The following MAMDC2 variants were observed in gnomAD, a reference collection of about 807,000 sequenced individuals.
MAMDC2 encodes the protein MAM domain-containing protein 2.
Under a neutral mutation model 89.8 loss-of-function variants are expected in MAMDC2, and 57 were observed. The observed-to-expected ratio is 0.63, with a 90% CI of 0.51 to 0.79. The LOEUF (loss-of-function observed/expected upper bound fraction) is 0.79, where lower values mean the gene tolerates loss of function less well. MAMDC2 is among the 30% of genes least tolerant of loss of function. The probability of loss-of-function intolerance (pLI) is 0.00; values close to 1 mark genes in which losing one functional copy is unlikely to be tolerated. For missense variants in MAMDC2, 800 were observed against 820.6 expected (o/e 0.97, Z 0.31); for synonymous variants, 313 against 293.4 (o/e 1.07, Z -0.68).
At chr9:70,115,077 G>A (rs904794079) in intron 5 of MAMDC2, among the ~76,000 whole-genome samples, 8 of 152,198 alleles carry the variant, frequency 5.3e-5, no homozygotes, top group Non-Finnish European at 7.3e-5. Context: ...GGAATGCCAG[G>A]AAAGAGATTT....
chr9:70,068,282 A>G (rs541418929), intron 2 of MAMDC2, among the ~76,000 whole-genome samples: 1 of 152,340 alleles, frequency 6.6e-6, no homozygotes, highest in African/African-American at 2.4e-5. Flanking sequence ...CATCTAGAGT[A>G]GCCTGTATTT....
intron 7 of MAMDC2, among the ~76,000 whole-genome samples, chr9:70,133,623 T>C (rs1410550450): frequency 6.6e-6 from 1 of 152,216 alleles, no homozygotes; most frequent in African/African-American, 2.4e-5. Flanking sequence ...TTCACATCCC[T>C]ATTCTGCCAC....
At chr9:70,221,108 A>C (rs2033546849) in intron 12 of MAMDC2, among the ~76,000 whole-genome samples, 1 of 151,618 alleles carries the variant, frequency 6.6e-6, no homozygotes, top group Non-Finnish European at 1.5e-5. Context: ...TCCATTTACT[A>C]TTCTAGGTGC....
chr9:70,205,298 G>A (rs2033202075), intron 11 of MAMDC2, among the ~76,000 whole-genome samples: 1 of 151,968 alleles, frequency 6.6e-6, no homozygotes, highest in Non-Finnish European at 1.5e-5. Flanking sequence ...TCCCAAAACT[G>A]AAACTCCGTA....
chr9:70,198,415 A>T (rs1469767807), intron 11 of MAMDC2, among the ~76,000 whole-genome samples: 3 of 152,068 alleles, frequency 2.0e-5, no homozygotes, highest in African/African-American at 7.2e-5. Flanking sequence ...ATATGATACT[A>T]TGCTGTCAGA....
chr9:70,220,900 T>C (rs1183996599), intron 12 of MAMDC2, among the ~76,000 whole-genome samples: 4 of 152,210 alleles, frequency 2.6e-5, no homozygotes, highest in Non-Finnish European at 5.9e-5. Context: ...AAGGAGATTA[T>C]GTATGTGAAA....
intron 2 of MAMDC2, among the ~76,000 whole-genome samples, chr9:70,052,545 C>G (rs1483513131): frequency 6.6e-6 from 1 of 152,192 alleles, no homozygotes; most frequent in Admixed American, 6.5e-5. Flanking sequence ...GCTCTCTGCA[C>G]TTTCCACTGT....
chr9:70,206,320 G>C lies in MAMDC2; in HGVS notation c.1652-12017G>C, dbSNP rs73452704. Among the ~76,000 whole-genome samples the C allele has an allele frequency of 4.2e-3, 643 of 152,234 alleles. 5 individuals carry two copies. The highest frequency in any genetic ancestry group is 0.013 in the African/African-American group (557 of 41,536). On this transcript the variant is annotated intron_variant, in intron 11 of 13. Coordinates refer to ENST00000377182, the MANE Select transcript of MAMDC2 (RefSeq NM_153267.5). ...GAGTTATTGTTGTTAATCTCTTACA[G>C]CATCTAATTTATAACAAAATTTATC...
chr9:70,129,231 G>T (rs144776710), intron 6 of MAMDC2, among the ~76,000 whole-genome samples: 8 of 152,110 alleles, frequency 5.3e-5, no homozygotes, highest in Admixed American at 2.6e-4. Flanking sequence ...TGCCTTTCTC[G>T]TGATAGTGAA....
chr9:70,139,885 C>A (rs374527571), intron 7 of MAMDC2, among the ~76,000 whole-genome samples: 1 of 152,010 alleles, frequency 6.6e-6, no homozygotes, highest in East Asian at 1.9e-4. Flanking sequence ...CTTTTGAAGT[C>A]GGGTACTTCA....
At chr9:70,050,907 A>G (rs1255738621) in intron 2 of MAMDC2, among the ~76,000 whole-genome samples, 1 of 152,220 alleles carries the variant, frequency 6.6e-6, no homozygotes, top group East Asian at 1.9e-4. Flanking sequence ...TTTCATACTT[A>G]GTGTGTAGTC....
chr9:70,153,578 T>C (rs1391070971), intron 9 of MAMDC2: 1 of 152,234 alleles, frequency 6.6e-6, no homozygotes, highest in East Asian at 1.9e-4. Context: ...TAAATATTTC[T>C]TTTGGAGAAA....
chr9:70,218,502 A>T lies in MAMDC2; in HGVS notation c.1817A>T (p.Asp606Val), dbSNP rs539462924. The T allele has an allele frequency of 6.2e-7, 1 of 1,614,110 alleles. No homozygotes were observed. The highest frequency in any genetic ancestry group is 8.5e-7 in the Non-Finnish European group (1 of 1,180,048). ...AGTGTTTATCTGAAAAAGGAAGAAG[A>T]CAGTGAAGAGTCCCTCTTATGGAGG... Reference protein sequence around the residue: ...LLSVYLKKEEDSEESLLWRRR... With the variant: ...LLSVYLKKEEVSEESLLWRRR... The change falls in exon 12 of 14, where the codon GAC (aspartate) becomes GTC (valine). Residue 606 changes from aspartate to valine, a missense_variant. Asp to Val is a radical substitution (Grantham distance 152). Coordinates refer to ENST00000377182, the MANE Select transcript of MAMDC2 (RefSeq NM_153267.5).
chr9:70,104,876 A>T (rs1828293698), intron 2 of MAMDC2, among the ~76,000 whole-genome samples: 1 of 152,194 alleles, frequency 6.6e-6, no homozygotes, highest in African/African-American at 2.4e-5. Flanking sequence ...GTGATGGTGC[A>T]CAAATTTATG....
At chr9:70,145,244 T>C (rs947799777) in intron 9 of MAMDC2, among the ~76,000 whole-genome samples, 3 of 152,244 alleles carry the variant, frequency 2.0e-5, no homozygotes, top group Non-Finnish European at 4.4e-5. Flanking sequence ...TAAATTGAGC[T>C]ATATTGCTCA....
Position 70,108,264 on chromosome 9 carries a change from C to G in MAMDC2, c.202C>G (p.Leu68Val), listed in dbSNP as rs1389716223. Residue 68 changes from leucine (L) to valine (V), a missense_variant, in exon 3 of 14, where the codon CTG becomes GTG. By Grantham distance (32) the Leu-to-Val change is conservative (BLOSUM62 1). Coordinates refer to ENST00000377182, the MANE Select transcript of MAMDC2 (RefSeq NM_153267.5). ...TGGCAAGCAGGGGGAGAAAGCTGTG[C>G]TGCTAAGTCCTGACTTACAGGCTGA... ...SFGKQGEKAV[L>V]LSPDLQAEEW... The G allele has an allele frequency of 6.2e-7, 1 of 1,612,984 alleles. No homozygotes were observed. The highest frequency in any genetic ancestry group is 8.5e-7 in the Non-Finnish European group (1 of 1,179,524).
chr9:70,097,804 T>C (rs1426922321), intron 2 of MAMDC2, among the ~76,000 whole-genome samples: 3 of 152,174 alleles, frequency 2.0e-5, no homozygotes, highest in Non-Finnish European at 4.4e-5. Flanking sequence ...GTCTCATTCA[T>C]CCTCTTATCC....
At chr9:70,147,256 T>C (rs989107298) in intron 9 of MAMDC2, among the ~76,000 whole-genome samples, 3 of 150,188 alleles carry the variant, frequency 2.0e-5, no homozygotes, top group African/African-American at 7.4e-5. Flanking sequence ...AGATTCCATC[T>C]CAAAAAATAA....
rs532189932 is a variant in MAMDC2 at position 70,157,639 on chromosome 9, C to G, written c.1405-11063C>G. The G allele has an allele frequency of 5.9e-5, 9 of 152,696 alleles. No homozygotes were observed. In the South Asian group the frequency reaches 1.9e-3, roughly 32 times the overall value. 9.5% of individuals were successfully genotyped at this position (152,696 alleles called of 1,614,324 possible). On this transcript the variant is annotated intron_variant, in intron 9 of 13. Transcript: ENST00000377182. ...AGGTTACATGTTTATCTATACGATG[C>G]TCAAAGATAAATTACTATTTGTGGC... is the stretch of plus-strand genomic sequence containing the variant.
Sources: allele counts gnomAD v4.1 joint callset (sites outside exome capture counted in the v4.1 genomes callset), GRCh38; gene constraint gnomAD v4.1.1; transcripts MANE v1.5; gene names NCBI Gene and HGNC (gene_info 2026-07-23, HGNC 2026-07-21).